The following VPS41 variants were observed in gnomAD, a reference collection of about 807,000 sequenced individuals.
The protein encoded by VPS41 is VPS41 subunit of HOPS complex.
VPS41 carries 85 observed loss-of-function variants against 130.9 expected under a neutral mutation model. That is an observed-to-expected ratio of 0.65 (90% CI 0.55 to 0.78). The LOEUF is 0.78. VPS41 is among the 30% of genes least tolerant of loss of function. The pLI is 0.00. For missense variants in VPS41, 874 were observed against 1,018.7 expected, an observed-to-expected ratio of 0.86 and a Z score of 1.93; for synonymous variants, 335 against 332.9, an observed-to-expected ratio of 1.01 and a Z score of -0.07.
chr7:38,837,363 A>G (rs1278550356), intron 4 of VPS41, among the ~76,000 whole-genome samples: 1 of 152,192 alleles, frequency 6.6e-6, no homozygotes, highest in Admixed American at 6.5e-5. Flanking sequence ...TGTGTAATAG[A>G]GTCTACATAA....
At position 38,869,195 on chromosome 7, in the gene VPS41, G is replaced by A; in HGVS notation, c.119C>T (p.Thr40Ile). 1 of 1,612,596 alleles carries A rather than the reference G, an allele frequency of 6.2e-7. No homozygotes were observed. The highest frequency in any genetic ancestry group is 8.5e-7 in the Non-Finnish European group (1 of 1,178,988). Residue 40 changes from threonine (T) to isoleucine (I), a missense_variant, in exon 3 of 29, where the codon ACT becomes ATT. Physicochemically the swap from Thr to Ile is moderately conservative, Grantham distance 89. Coordinates refer to ENST00000310301, the MANE Select transcript of VPS41 (RefSeq NM_014396.4). ...AGCTGCATCCTTCTGAAGTATTTCAGTTACCCCATTGGAAAGCCTTTCATA... is the reference window on the plus strand; with the variant it reads ...AGCTGCATCCTTCTGAAGTATTTCAATTACCCCATTGGAAAGCCTTTCATA... The part of the protein sequence containing the change: ...LKYERLSNGV[T>I]EILQKDAASC...
chr7:38,744,882 G>A (rs187306219), intron 23 of VPS41, among the ~76,000 whole-genome samples: 1 of 152,316 alleles, frequency 6.6e-6, no homozygotes, highest in Admixed American at 6.5e-5. Flanking sequence ...AGGGAAAGGC[G>A]TAAAGCGGAA....
intron 1 of VPS41, among the ~76,000 whole-genome samples, chr7:38,907,075 A>C (rs536456214): frequency 7.4e-6 from 1 of 134,946 alleles, no homozygotes; most frequent in African/African-American, 2.5e-5. Flanking sequence ...AGAAATATAC[A>C]GGGAAAAAAA....
intron 14 of VPS41, among the ~76,000 whole-genome samples, chr7:38,768,071 T>TA (rs1784082138): frequency 6.6e-6 from 1 of 152,200 alleles, no homozygotes; most frequent in Admixed American, 6.5e-5. Flanking sequence ...TAGGGAATAT[T>TA]AAAGTTGATA....
intron 2 of VPS41, among the ~76,000 whole-genome samples, chr7:38,875,058 C>T (rs1358637734): frequency 1.3e-5 from 2 of 152,056 alleles, no homozygotes; most frequent in Non-Finnish European, 2.9e-5. Context: ...GTACCAAATA[C>T]AAATAAATTT....
At chr7:38,864,744 T>TA (rs1554296676) in intron 3 of VPS41, among the ~76,000 whole-genome samples, 1 of 151,786 alleles carries the variant, frequency 6.6e-6, no homozygotes, top group Non-Finnish European at 1.5e-5. Context: ...TGAACTTTTG[T>TA]AATTATTGAG....
At chr7:38,739,488 A>T (rs1795841406) in intron 25 of VPS41, among the ~76,000 whole-genome samples, 1 of 152,260 alleles carries the variant, frequency 6.6e-6, no homozygotes, top group Non-Finnish European at 1.5e-5. Context: ...GTGAACCCTA[A>T]TAGGTTGCCT....
At chr7:38,804,985 A>G in intron 7 of VPS41, among the ~76,000 whole-genome samples, 1 of 152,232 alleles carries the variant, frequency 6.6e-6, no homozygotes, top group East Asian at 1.9e-4. Context: ...GCTGGGCCCA[A>G]GGTCAAACAC....
intron 2 of VPS41, among the ~76,000 whole-genome samples, chr7:38,870,079 G>C (rs996873799): frequency 6.6e-6 from 1 of 152,176 alleles, no homozygotes; most frequent in South Asian, 2.1e-4. Flanking sequence ...TGTAGGACAA[G>C]AGGCTGAGAA....
chr7:38,862,286 A>G (rs1786132209), intron 4 of VPS41, among the ~76,000 whole-genome samples: 1 of 152,200 alleles, frequency 6.6e-6, no homozygotes, highest in Non-Finnish European at 1.5e-5. Flanking sequence ...AAATAGATGT[A>G]TAGATTTTTA....
chr7:38,756,965 T>G lies in VPS41; in HGVS notation c.1568A>C (p.Asn523Thr), dbSNP rs1783807002. Residue 523 changes from asparagine (N) to threonine (T), a missense_variant, in exon 19 of 29, where the codon AAC becomes ACC. By Grantham distance (65) the Asn-to-Thr change is moderately conservative. Transcript: ENST00000310301. Reference sequence around the variant, plus strand: ...GTATATTTCCAGAGCATTGCCATAGTTCTTGTCATAGGTGTACCTGGTAAT... The same window carrying G: ...GTATATTTCCAGAGCATTGCCATAGGTCTTGTCATAGGTGTACCTGGTAAT... ...TLAELYTYDK[N>T]YGNALEIYLT... 1.9e-6 allele frequency: 3 copies of G among 1,597,084 alleles called. No individual in the cohort carries two copies. Among genetic ancestry groups the G allele is most frequent in the Admixed American group, 1.7e-5 (1 of 59,004 alleles).
chr7:38,848,966 G>A (rs1785788383), intron 4 of VPS41, among the ~76,000 whole-genome samples: 1 of 152,094 alleles, frequency 6.6e-6, no homozygotes, highest in South Asian at 2.1e-4. Context: ...TCATTTTCGT[G>A]TAATTTTTTT....
intron 2 of VPS41, among the ~76,000 whole-genome samples, chr7:38,881,012 G>T (rs1786592579): frequency 6.6e-6 from 1 of 152,192 alleles, no homozygotes; most frequent in African/African-American, 2.4e-5. Flanking sequence ...AATGAAAAGT[G>T]TTAAGGAGAC....
At chr7:38,788,655 A>C (rs1784482221) in intron 10 of VPS41, among the ~76,000 whole-genome samples, 1 of 152,200 alleles carries the variant, frequency 6.6e-6, no homozygotes. Flanking sequence ...TGAAACAATT[A>C]TCTATATAGT....
At chr7:38,779,840 T>C (rs1199542696) in intron 10 of VPS41, among the ~76,000 whole-genome samples, 12 of 152,184 alleles carry the variant, frequency 7.9e-5, no homozygotes, top group Non-Finnish European at 1.5e-4. Context: ...ATAAAATATA[T>C]AAAAGCTTAT....
At chr7:38,792,336 C>A (rs1226996119) in intron 9 of VPS41, among the ~76,000 whole-genome samples, 1 of 152,232 alleles carries the variant, frequency 6.6e-6, no homozygotes, top group East Asian at 1.9e-4. Context: ...CACTTCTCCA[C>A]ATGGGTGGAT....
At chr7:38,857,090 C>A (rs888571004) in intron 4 of VPS41, among the ~76,000 whole-genome samples, 1 of 152,094 alleles carries the variant, frequency 6.6e-6, no homozygotes, top group Non-Finnish European at 1.5e-5. Flanking sequence ...CACATGAACA[C>A]GAAAGGTATC....
At chr7:38,888,662 T>C (rs980942483) in intron 2 of VPS41, among the ~76,000 whole-genome samples, 2 of 152,146 alleles carry the variant, frequency 1.3e-5, no homozygotes, top group African/African-American at 4.8e-5. Context: ...AACTCAGCTC[T>C]GGAGCAAGCA....
At chr7:38,786,548 T>C (rs1295166514) in intron 10 of VPS41, among the ~76,000 whole-genome samples, 3 of 152,090 alleles carry the variant, frequency 2.0e-5, no homozygotes, top group Non-Finnish European at 4.4e-5. Context: ...GATGAACAGA[T>C]ACGTAATAAA....
Sources: gnomAD v4.1 joint callset for allele counts (sites outside exome capture counted in the v4.1 genomes callset) on GRCh38, gnomAD v4.1.1 for gene constraint, MANE v1.5 for transcripts, NCBI Gene and HGNC (gene_info 2026-07-23, HGNC 2026-07-21) for gene names.